ARHGAP42: variants seen among roughly 807,000 people sequenced by gnomAD.
ARHGAP42 encodes the protein rho GTPase-activating protein 42.
Under a neutral mutation model 125.0 loss-of-function variants are expected in ARHGAP42, and 63 were observed. The ratio of observed to expected loss-of-function variants is 0.50; its 90% CI spans 0.41 to 0.62. ARHGAP42 has a LOEUF of 0.62. Among genes scored for constraint, ARHGAP42 ranks in the 20% least tolerant of loss-of-function variants. The pLI is 0.00. For synonymous variants in ARHGAP42, 339 were observed against 351.0 expected, an observed-to-expected ratio of 0.97 and a Z score of 0.38; for missense variants, 766 against 1,024.2, an observed-to-expected ratio of 0.75 and a Z score of 3.44.
chr11:100,811,074 G>C (rs1395433206), intron 3 of ARHGAP42, among the ~76,000 whole-genome samples: 1 of 152,094 alleles, frequency 6.6e-6, no homozygotes, highest in Non-Finnish European at 1.5e-5. Flanking sequence ...TCCTGCCTCA[G>C]CCTCTTCAGT....
chr11:100,846,756 C>T (rs770823284), intron 3 of ARHGAP42, among the ~76,000 whole-genome samples: 2 of 151,872 alleles, frequency 1.3e-5, no homozygotes, highest in African/African-American at 2.4e-5. Flanking sequence ...AGAAGGGCCT[C>T]GAGACTTAGC....
chr11:100,903,458 T>C (rs1297015106), intron 4 of ARHGAP42, among the ~76,000 whole-genome samples: 2 of 151,700 alleles, frequency 1.3e-5, no homozygotes, highest in African/African-American at 4.8e-5. Flanking sequence ...GTAACTTTAA[T>C]TAGGAAATCT....
rs532300358 is a variant in ARHGAP42 at position 100,899,087 on chromosome 11, A to G, written c.385-14365A>G. Among the ~76,000 whole-genome samples, 201 of 152,214 alleles carry G rather than the reference A, an allele frequency of 1.3e-3. 1 individual carries two copies. The highest frequency in any genetic ancestry group is 2.1e-3 in the Non-Finnish European group (140 of 68,018). ...AAAGAACATCTTTATTTCTGCCTTCATTTCGTTATTTACCCAGTAGTCATT... is the reference window on the plus strand; with the variant it reads ...AAAGAACATCTTTATTTCTGCCTTCGTTTCGTTATTTACCCAGTAGTCATT... On this transcript the variant is annotated intron_variant, in intron 4 of 23. Transcript: ENST00000298815.
chr11:100,926,990 C>A (rs767037314), intron 6 of ARHGAP42, among the ~76,000 whole-genome samples: 1 of 152,080 alleles, frequency 6.6e-6, no homozygotes, highest in African/African-American at 2.4e-5. Context: ...AAAGTTAATG[C>A]AGAAAATGAA....
At chr11:100,958,480 T>G (rs186240488) in intron 12 of ARHGAP42, among the ~76,000 whole-genome samples, 11 of 152,006 alleles carry the variant, frequency 7.2e-5, no homozygotes, top group Non-Finnish European at 5.9e-5. Context: ...GACATTTTTA[T>G]TTCTAGAGTT....
intron 1 of ARHGAP42, among the ~76,000 whole-genome samples, chr11:100,729,825 T>G (rs1230809607): frequency 1.3e-5 from 2 of 151,608 alleles, no homozygotes; most frequent in Non-Finnish European, 2.9e-5. Context: ...TTTTTTTTTT[T>G]TTTGAGACAG....
chr11:100,824,936 G>T (rs2135082595), intron 3 of ARHGAP42, among the ~76,000 whole-genome samples: 1 of 152,280 alleles, frequency 6.6e-6, no homozygotes, highest in African/African-American at 2.4e-5. Context: ...TAGCACAGCT[G>T]GGCTGAATAA....
At chr11:100,690,252 G>T (rs767994183) in intron 1 of ARHGAP42, among the ~76,000 whole-genome samples, 12 of 151,360 alleles carry the variant, frequency 7.9e-5, no homozygotes, top group Non-Finnish European at 1.5e-4. Flanking sequence ...AGTTTTTTTA[G>T]CACGGCACTG....
intron 4 of ARHGAP42, among the ~76,000 whole-genome samples, chr11:100,886,823 A>G (rs922422570): frequency 2.0e-5 from 3 of 152,232 alleles, no homozygotes; most frequent in Admixed American, 6.5e-5. Flanking sequence ...TATAGTGGGA[A>G]GAACACTGAA....
intron 1 of ARHGAP42, among the ~76,000 whole-genome samples, chr11:100,727,729 T>G (rs953365117): frequency 6.6e-6 from 1 of 152,234 alleles, no homozygotes; most frequent in Non-Finnish European, 1.5e-5. Context: ...TCACCCTATG[T>G]ACCTCTCCAT....
chr11:100,958,532 C>CAT (rs1491080857), intron 12 of ARHGAP42, among the ~76,000 whole-genome samples: 2 of 121,362 alleles, frequency 1.6e-5, no homozygotes, highest in Admixed American at 8.1e-5. Context: ...CACACACACA[C>CAT]ATATATATAC....
intron 3 of ARHGAP42, among the ~76,000 whole-genome samples, chr11:100,805,354 T>G (rs938646883): frequency 2.0e-5 from 3 of 152,228 alleles, no homozygotes; most frequent in African/African-American, 7.2e-5. Flanking sequence ...TGCTAATAAG[T>G]ACTTTAGATG....
intron 3 of ARHGAP42, among the ~76,000 whole-genome samples, chr11:100,806,338 G>A (rs535999217): frequency 2.6e-5 from 4 of 152,228 alleles, no homozygotes; most frequent in African/African-American, 9.6e-5. Context: ...TTTGCTTTGC[G>A]GATATGCCCT....
intron 3 of ARHGAP42, among the ~76,000 whole-genome samples, chr11:100,805,198 C>T (rs1455765989): frequency 1.3e-5 from 2 of 152,160 alleles, no homozygotes; most frequent in East Asian, 1.9e-4. Flanking sequence ...ATAACTAATA[C>T]GTGGTACCGC....
chr11:100,928,833 C>T (rs1284703283), intron 6 of ARHGAP42, among the ~76,000 whole-genome samples: 1 of 152,182 alleles, frequency 6.6e-6, no homozygotes, highest in Non-Finnish European at 1.5e-5. Context: ...AATTTGCCTA[C>T]TCTGGGCCTT....
intron 3 of ARHGAP42, among the ~76,000 whole-genome samples, chr11:100,822,353 A>AT (rs1864423039): frequency 6.6e-6 from 1 of 152,116 alleles, no homozygotes; most frequent in South Asian, 2.1e-4. Flanking sequence ...ATGAGTTTCT[A>AT]TTGAATCAGT....
chr11:100,843,632 A>G lies in ARHGAP42; in HGVS notation c.313-15922A>G, dbSNP rs557926455. 2.6e-5 allele frequency among the ~76,000 whole-genome samples: 4 copies of G among 152,280 alleles called. No individual in the cohort carries two copies. In the East Asian group the frequency reaches 7.7e-4, roughly 29 times the overall value. Reference sequence around the variant, plus strand: ...TCCAGATAAAAGATTAATGTACACAAATCAGTAGCTCTCCTGTATTCCAAC... The same window carrying G: ...TCCAGATAAAAGATTAATGTACACAGATCAGTAGCTCTCCTGTATTCCAAC... On this transcript the variant is annotated intron_variant, in intron 3 of 23. Transcript: ENST00000298815.
At chr11:100,943,965 T>A (rs1404748223) in intron 10 of ARHGAP42, 97 bp downstream of exon 10, 3 of 833,550 alleles carry the variant, frequency 3.6e-6, no homozygotes. Context: ...AAGTGTTTTT[T>A]AGTCTTTTAA....
intron 22 of ARHGAP42, among the ~76,000 whole-genome samples, chr11:100,982,862 G>A (rs1858579002): frequency 6.6e-6 from 1 of 152,128 alleles, no homozygotes; most frequent in African/African-American, 2.4e-5. Context: ...TTTTTAAAAG[G>A]CTATAAATCA....
Sources: gnomAD v4.1 joint callset for allele counts (sites outside exome capture counted in the v4.1 genomes callset) on GRCh38, gnomAD v4.1.1 for gene constraint, MANE v1.5 for transcripts, NCBI Gene and HGNC (gene_info 2026-07-23, HGNC 2026-07-21) for gene names.